Variants in CACNA1C observed in about 807,000 individuals in gnomAD.
CACNA1C encodes calcium voltage-gated channel subunit alpha1 C.
A neutral mutation model predicts 229.0 loss-of-function variants in CACNA1C; 30 were observed. The ratio of observed to expected loss-of-function variants is 0.13; its 90% confidence interval spans 0.10 to 0.18. The LOEUF is 0.18. Ranked by LOEUF, CACNA1C falls within the 10% of genes least tolerant of loss-of-function variation. The probability of loss-of-function intolerance (pLI) is 1.00; values close to 1 mark genes in which losing one functional copy is unlikely to be tolerated. For synonymous variants in CACNA1C, 1,114 were observed against 1,132.5 expected (o/e 0.98, Z 0.33); for missense variants, 1,658 against 2,845.0 (o/e 0.58, Z 9.49).
intron 30 of CACNA1C, among the ~76,000 whole-genome samples, chr12:2,638,337 C>G (rs1266840183): frequency 1.3e-5 from 2 of 152,152 alleles, no homozygotes; most frequent in African/African-American, 2.4e-5. Flanking sequence ...TGAGGATTCT[C>G]CATGTGGAGA....
At chr12:2,435,152 T>G (rs2099122141) in intron 3 of CACNA1C, among the ~76,000 whole-genome samples, 1 of 152,146 alleles carries the variant, frequency 6.6e-6, no homozygotes, top group Admixed American at 6.5e-5. Context: ...GAGGATCTTG[T>G]GTTTCTCATG....
chr12:2,488,834 G>A lies in CACNA1C; in HGVS notation c.916+2572G>A, dbSNP rs1255353294. Among the ~76,000 whole-genome samples, 2 of 152,200 alleles carry A rather than the reference G, an allele frequency of 1.3e-5. No individual in the cohort carries two copies. The highest frequency in any genetic ancestry group is 2.1e-4 in the South Asian group (1 of 4,824). The stretch of plus-strand genomic sequence containing the variant: ...GTCCTCTCAAATACTCTGCAATCAG[G>A]AGCTTGCTGTCCCTTCGTTCCCAAA... On this transcript the variant is annotated intron_variant, in intron 6 of 46. Coordinates refer to ENST00000399655, the MANE Select transcript of CACNA1C (RefSeq NM_000719.7). This position sits in a 1 kb window ranked among gnomAD's most constrained non-coding sequence, Gnocchi z 4.0.
intron 1 of CACNA1C, among the ~76,000 whole-genome samples, chr12:2,041,343 C>T (rs1429396196): frequency 2.3e-5 from 3 of 133,290 alleles, no homozygotes; most frequent in Admixed American, 9.1e-5. Flanking sequence ...GTGGCGCTGT[C>T]TTGGCTCACT....
At chr12:2,213,703 C>G (rs1566440166) in intron 3 of CACNA1C, among the ~76,000 whole-genome samples, 2 of 152,196 alleles carry the variant, frequency 1.3e-5, no homozygotes. Context: ...TCCTTCCCCT[C>G]TGCAGGCCTC....
At chr12:2,015,505 C>T (rs945092907) in intron 1 of CACNA1C, among the ~76,000 whole-genome samples, 2 of 152,158 alleles carry the variant, frequency 1.3e-5, no homozygotes, top group Non-Finnish European at 2.9e-5. Flanking sequence ...GCTTCAGCCA[C>T]CTCTTTGTAC....
chr12:2,596,152 C>T (rs1415369387), intron 20 of CACNA1C, 149 bp downstream of exon 20: 3 of 770,144 alleles, frequency 3.9e-6, no homozygotes, highest in East Asian at 6.0e-5. Flanking sequence ...GAGAGTAGGG[C>T]TTTGATAGAA....
At chr12:2,670,699 A>G (rs1056674767) in intron 38 of CACNA1C, among the ~76,000 whole-genome samples, 1 of 152,072 alleles carries the variant, frequency 6.6e-6, no homozygotes. Flanking sequence ...TCTCTACTAA[A>G]AATACAAAAA....
At chr12:2,320,884 A>G (rs767517847) in intron 3 of CACNA1C, among the ~76,000 whole-genome samples, 1 of 152,180 alleles carries the variant, frequency 6.6e-6, no homozygotes, top group Non-Finnish European at 1.5e-5. Context: ...CCCTGCACCT[A>G]TGGCTCGGGG....
intron 3 of CACNA1C, among the ~76,000 whole-genome samples, chr12:2,205,759 G>A (rs1008906677): frequency 6.6e-6 from 1 of 152,170 alleles, no homozygotes. Flanking sequence ...CTACAAAGAC[G>A]GAAATGTATT....
chr12:2,550,715 CTCCCT>C, intron 10 of CACNA1C: 1 of 1,257,604 alleles, frequency 8.0e-7, no homozygotes, highest in Non-Finnish European at 1.0e-6. Flanking sequence ...AGGGCGGCAT[CTCCCT>C]TCCCTCCTCG....
intron 4 of CACNA1C, among the ~76,000 whole-genome samples, chr12:2,450,129 G>A (rs1267009539): frequency 1.3e-5 from 2 of 152,168 alleles, no homozygotes; most frequent in Non-Finnish European, 2.9e-5. Flanking sequence ...TTTCAAAACA[G>A]CAATGCAAAG....
intron 3 of CACNA1C, among the ~76,000 whole-genome samples, chr12:2,126,257 G>GCC (rs2090013000): frequency 6.6e-6 from 1 of 152,160 alleles, no homozygotes; most frequent in Non-Finnish European, 1.5e-5. Context: ...CATAATGAAA[G>GCC]CTGAACTGGG....
intron 3 of CACNA1C, among the ~76,000 whole-genome samples, chr12:2,218,320 A>G (rs1566471538): frequency 1.3e-5 from 2 of 152,214 alleles, no homozygotes; most frequent in Non-Finnish European, 2.9e-5. Context: ...CTCCCTCCAA[A>G]GAGAGAAACC....
At chr12:2,116,857 G>A (rs1256229274) in intron 2 of CACNA1C, among the ~76,000 whole-genome samples, 1 of 152,234 alleles carries the variant, frequency 6.6e-6, no homozygotes, top group Non-Finnish European at 1.5e-5. Flanking sequence ...CAAGGGCCAG[G>A]ATGGGAGCAT....
chr12:2,593,189 A>G, intron 18 of CACNA1C, 24 bp from the exon 19 acceptor site: 1 of 1,607,082 alleles, frequency 6.2e-7, no homozygotes. Flanking sequence ...GGAGTTATTT[A>G]GAATGGTGCT....
chr12:2,389,084 A>G (rs369089772), intron 3 of CACNA1C, among the ~76,000 whole-genome samples: 1 of 152,168 alleles, frequency 6.6e-6, no homozygotes, highest in African/African-American at 2.4e-5. Context: ...CAGAGCTAGT[A>G]GCAGCAATGA....
chr12:2,077,521 A>T (rs2063662111), intron 1 of CACNA1C, among the ~76,000 whole-genome samples: 1 of 152,144 alleles, frequency 6.6e-6, no homozygotes, highest in African/African-American at 2.4e-5. Context: ...CAGGAACTTT[A>T]TGTGACTTGT....
intron 9 of CACNA1C, among the ~76,000 whole-genome samples, chr12:2,524,784 A>G (rs577285709): frequency 6.6e-6 from 1 of 152,236 alleles, no homozygotes; most frequent in East Asian, 1.9e-4. Flanking sequence ...CTCGCGACAC[A>G]CCATCGGCCG....
In CACNA1C at chr12:1,999,727, T is replaced by TATAA. The variant is rs576437697; in HGVS notation, c.139+28543_139+28546dup. Among the ~76,000 whole-genome samples, 347 of 152,202 alleles carry TATAA rather than the reference T, an allele frequency of 2.3e-3. 4 individuals carry two copies. Among genetic ancestry groups the TATAA allele is most frequent in the African/African-American group, 7.3e-3 (304 of 41,500 alleles). ...GGCAACAGAGGGAGACCCTGTTTCTTATAAATAAATAAATAAATAACAATT... is the reference window on the plus strand; with the variant it reads ...GGCAACAGAGGGAGACCCTGTTTCTTATAAATAAATAAATAAATAAATAACAATT... On this transcript the variant is annotated intron_variant, in intron 1 of 46. Transcript: ENST00000682462.
Sources: gnomAD v4.1 joint callset for allele counts (sites outside exome capture counted in the v4.1 genomes callset) on GRCh38, gnomAD v4.1.1 for gene constraint, Gnocchi (gnomAD v3.1) non-coding constraint, MANE v1.5 for transcripts, NCBI Gene and HGNC (gene_info 2026-07-23, HGNC 2026-07-21) for gene names.